The following DLG1 variants were observed in gnomAD, a reference collection of about 807,000 sequenced individuals.
The protein encoded by DLG1 is disks large homolog 1.
In DLG1, 42 loss-of-function variants were observed where a neutral mutation model predicts 123.4. That is an observed-to-expected ratio of 0.34 (90% CI 0.27 to 0.44). DLG1 has a LOEUF of 0.44. DLG1 is among the 20% of genes least tolerant of loss of function. DLG1 has a pLI of 1.00. For synonymous variants in DLG1, 317 were observed against 356.2 expected, an observed-to-expected ratio of 0.89 and a Z score of 1.24; for missense variants, 942 against 1,082.6, an observed-to-expected ratio of 0.87 and a Z score of 1.82.
At chr3:197,265,450 C>T (rs149702604) in intron 4 of DLG1, among the ~76,000 whole-genome samples, 142 of 152,204 alleles carry the variant, frequency 9.3e-4, no homozygotes, top group African/African-American at 3.3e-3. Flanking sequence ...TCAACGAAAC[C>T]CAGCAGCCTT....
chr3:197,266,832 C>T (rs1320761513), intron 4 of DLG1, among the ~76,000 whole-genome samples: 1 of 152,014 alleles, frequency 6.6e-6, no homozygotes, highest in Non-Finnish European at 1.5e-5. Flanking sequence ...CAGACAAAGT[C>T]AACCAAACCA....
intron 4 of DLG1, among the ~76,000 whole-genome samples, chr3:197,277,629 C>T (rs1767132809): frequency 6.6e-6 from 1 of 151,976 alleles, no homozygotes; most frequent in Admixed American, 6.6e-5. Flanking sequence ...GTGTGAACCA[C>T]CAGGCCTGGC....
chr3:197,138,098 T>C (rs1786027380), intron 9 of DLG1, 124 bp downstream of exon 9: 4 of 499,812 alleles, frequency 8.0e-6, no homozygotes, highest in African/African-American at 2.0e-5. Flanking sequence ...GAAATTAAAA[T>C]CCACTCAAGT....
intron 7 of DLG1, among the ~76,000 whole-genome samples, chr3:197,140,482 C>A (rs1344478718): frequency 6.6e-6 from 1 of 152,174 alleles, no homozygotes; most frequent in Non-Finnish European, 1.5e-5. Flanking sequence ...AGAAAATACA[C>A]CAAGGACTTT....
rs199954979 is a variant in DLG1, at chr3:197,136,973, CCAT to C, written c.884-298_884-296del. ...GCGAAATTATGTTTTACTTTTGTTT[CCAT>C]CATAATTATGCTTACCTACACTTTT... On this transcript the variant is annotated intron_variant, in intron 9 of 24. Transcript: ENST00000667157. Among the ~76,000 whole-genome samples, 4 of 152,160 alleles carry C rather than the reference CCAT, an allele frequency of 2.6e-5. No homozygotes were observed. The East Asian group carries it at 7.7e-4, about 29-fold the overall frequency.
chr3:197,178,835 CT>C (rs201401844), intron 5 of DLG1, among the ~76,000 whole-genome samples: 2,317 of 152,250 alleles, frequency 0.015, 20 homozygotes, highest in Non-Finnish European at 0.025. Context: ...ATAATCTACA[CT>C]CACACAACGA....
intron 22 of DLG1, among the ~76,000 whole-genome samples, chr3:197,061,992 A>T (rs747599607): frequency 2.0e-4 from 31 of 152,120 alleles, no homozygotes; most frequent in Admixed American, 1.8e-3. Flanking sequence ...AATTACCACC[A>T]TGCGGTTTTC....
At chr3:197,100,107 G>A (rs1011029416) in intron 14 of DLG1, among the ~76,000 whole-genome samples, 5 of 152,122 alleles carry the variant, frequency 3.3e-5, no homozygotes, top group African/African-American at 2.4e-5. Flanking sequence ...CAAGGGAAGT[G>A]GGAAAGCAGG....
intron 5 of DLG1, among the ~76,000 whole-genome samples, chr3:197,166,643 A>C (rs1384343672): frequency 2.0e-5 from 3 of 152,126 alleles, no homozygotes; most frequent in African/African-American, 7.2e-5. Flanking sequence ...TAATCCCAAC[A>C]CTTTGGGAGG....
chr3:197,065,707 C>T lies in DLG1; in HGVS notation c.2200+1G>A, dbSNP rs1030584473. 4 of 1,594,164 alleles carry T rather than the reference C, an allele frequency of 2.5e-6. No homozygotes were observed. The highest frequency in any genetic ancestry group is 1.7e-4 in the Middle Eastern group (1 of 6,028). ...TAAATGTTTTTGTTTGGTTTACTTA[C>T]GAGGAACACAGGATCCAAATTTGTC... is the stretch of plus-strand genomic sequence containing the variant. On this transcript the variant is annotated splice_donor_variant, in intron 21 of 24. Transcript: ENST00000667157. LOFTEE classifies it high-confidence loss of function.
Position 197,210,428 on chromosome 3 carries a change from A to T in DLG1, c.319-15839T>A, listed in dbSNP as rs1034459067. 1.4e-5 allele frequency among the ~76,000 whole-genome samples: 2 copies of T among 144,690 alleles called. 1 individual carries two copies. Among genetic ancestry groups the T allele is most frequent in the Non-Finnish European group, 3.1e-5 (2 of 64,554 alleles). The allele number at this position is 144,690 out of a possible 152,430, so 94.9% of individuals were successfully genotyped here. A position where few individuals can be genotyped will look rare whatever the true frequency, so the allele number is the denominator to read the frequency against. Reference sequence around the variant, plus strand: ...GAAAGAGAGAATATAATTACCAATAATAAAAAATGCAAGAGAGGTTATCAC... The same window carrying T: ...GAAAGAGAGAATATAATTACCAATATTAAAAAATGCAAGAGAGGTTATCAC... On this transcript the variant is annotated intron_variant, in intron 4 of 24. Coordinates refer to ENST00000667157, the MANE Select transcript of DLG1 (RefSeq NM_001366207.1).
intron 3 of DLG1, among the ~76,000 whole-genome samples, chr3:197,294,712 T>C (rs1452580138): frequency 1.3e-5 from 2 of 149,752 alleles, no homozygotes; most frequent in African/African-American, 4.9e-5. Context: ...AGTTCAATTG[T>C]ACGTAAGAAT....
In DLG1 at chr3:197,253,924, TA is replaced by T. The variant is rs533885468; in HGVS notation, c.318+28754del. On this transcript the variant is annotated intron_variant, in intron 4 of 24. Transcript: ENST00000667157. ...ATTAACCCAAAATTAAAGGTTTAAT[TA>T]AAAAAAAAAAGGAAATGGAAATTTC... Among the ~76,000 whole-genome samples, 1,173 of 143,780 alleles carry T rather than the reference TA, an allele frequency of 8.2e-3. 7 individuals are homozygous for T. Among genetic ancestry groups the T allele is most frequent in the South Asian group, 0.028 (127 of 4,534 alleles). 94.3% of individuals were successfully genotyped at this position (143,780 alleles called of 152,430 possible). A position where few individuals can be genotyped will look rare whatever the true frequency, so the allele number is the denominator to read the frequency against.
At chr3:197,129,676 TATA>T (rs772393718) in intron 11 of DLG1, among the ~76,000 whole-genome samples, 5 of 152,224 alleles carry the variant, frequency 3.3e-5, no homozygotes, top group Non-Finnish European at 7.3e-5. Context: ...CTTTTTGACA[TATA>T]ATGAGAAATA....
chr3:197,065,708 G>A lies in DLG1; in HGVS notation c.2200C>T (p.His734Tyr), dbSNP rs746862777. The change falls in exon 21 of 25, where the codon CAT (histidine) becomes TAT (tyrosine). Residue 734 changes from histidine to tyrosine, a missense_variant and splice_region_variant. His to Tyr is a moderately conservative substitution (Grantham distance 83). Coordinates refer to ENST00000667157, the MANE Select transcript of DLG1 (RefSeq NM_001366207.1). ...FPDKFGSCVP[H>Y]TTRPKRDYEV... Reference sequence around the variant, plus strand: ...AAATGTTTTTGTTTGGTTTACTTACGAGGAACACAGGATCCAAATTTGTCA... The same window carrying A: ...AAATGTTTTTGTTTGGTTTACTTACAAGGAACACAGGATCCAAATTTGTCA... The A allele has an allele frequency of 4.4e-6, 7 of 1,595,432 alleles. No individual in the cohort carries two copies. The highest frequency in any genetic ancestry group is 2.2e-5 in the East Asian group (1 of 44,688).
chr3:197,193,705 T>C (rs530115461), intron 5 of DLG1, among the ~76,000 whole-genome samples: 4 of 152,100 alleles, frequency 2.6e-5, no homozygotes, highest in African/African-American at 4.8e-5. Flanking sequence ...AATCGAAATA[T>C]ATGGTAGAAC....
Position 197,085,611 on chromosome 3 carries a change from C to G in DLG1, c.1807G>C (p.Asp603His). Residue 603 changes from aspartate (D) to histidine (H), a missense_variant, in exon 16 of 25, where the codon GAT becomes CAT. Coordinates refer to ENST00000667157, the MANE Select transcript of DLG1 (RefSeq NM_001366207.1). ...TTACTGGGAATCACTCCGACCTCAT[C>G]GCTCTCACCATCTGGTGTAACCTGC... ...ARQVTPDGESDEVGVIPSKRR... is the reference protein window; with the variant it reads ...ARQVTPDGESHEVGVIPSKRR... The G allele has an allele frequency of 6.2e-7, 1 of 1,613,950 alleles. No homozygotes were observed. The highest frequency in any genetic ancestry group is 8.5e-7 in the Non-Finnish European group (1 of 1,179,974).
At chr3:197,291,594 ATTCT>A (rs1400708027) in intron 3 of DLG1, among the ~76,000 whole-genome samples, 2 of 152,242 alleles carry the variant, frequency 1.3e-5, no homozygotes, top group Non-Finnish European at 2.9e-5. Context: ...GTCATTTAGT[ATTCT>A]TTATCAGATT....
chr3:197,128,254 C>T (rs1780792256), intron 11 of DLG1, among the ~76,000 whole-genome samples: 1 of 152,172 alleles, frequency 6.6e-6, no homozygotes, highest in Non-Finnish European at 1.5e-5. Context: ...GTTGCCGTTT[C>T]GATAATGTTC....
Sources: allele counts gnomAD v4.1 joint callset (sites outside exome capture counted in the v4.1 genomes callset), GRCh38; gene constraint gnomAD v4.1.1; transcripts MANE v1.5; gene names NCBI Gene and HGNC (gene_info 2026-07-23, HGNC 2026-07-21).